Variants in DHRSX observed in about 807,000 individuals in gnomAD.
DHRSX encodes dehydrogenase/reductase X-linked.
A neutral mutation model predicts 34.0 loss-of-function variants in DHRSX; 31 were observed. That is an observed-to-expected ratio of 0.91 (90% CI 0.69 to 1.23). The LOEUF is 1.23. Among genes scored for constraint, DHRSX ranks in the 50% most tolerant of loss-of-function variants. The pLI, the probability that DHRSX is intolerant of heterozygous loss-of-function variation, is 0.00. For synonymous variants in DHRSX, 201 were observed against 183.8 expected (o/e 1.09, Z -0.76); for missense variants, 414 against 428.1 (o/e 0.97, Z 0.29).
intron 3 of DHRSX, among the ~76,000 whole-genome samples, chrX:2,321,500 G>A (rs1250008221): frequency 6.1e-5 from 9 of 146,690 alleles, no homozygotes; most frequent in South Asian, 2.1e-4. Flanking sequence ...ACATCAGGTC[G>A]TGAAGGTGGG....
intron 3 of DHRSX, among the ~76,000 whole-genome samples, chrX:2,368,967 T>C (rs190458563): frequency 1.7e-3 from 260 of 152,282 alleles, no homozygotes; most frequent in African/African-American, 6.0e-3. Context: ...AGTAAATAAG[T>C]AAATAAAAAA....
intron 4 of DHRSX, among the ~76,000 whole-genome samples, chrX:2,282,990 GAC>G (rs1335039658): frequency 1.3e-5 from 2 of 151,510 alleles, no homozygotes; most frequent in South Asian, 4.2e-4. Context: ...GGAAAAGTGA[GAC>G]AGTGAAGAGG....
At chrX:2,238,755 T>A (rs980452306) in intron 6 of DHRSX, among the ~76,000 whole-genome samples, 8 of 151,742 alleles carry the variant, frequency 5.3e-5, no homozygotes, top group Admixed American at 4.6e-4. Context: ...GGCTAATTTT[T>A]TTTTTTTTTA....
chrX:2,462,769 GT>G (rs1270925508), intron 1 of DHRSX, among the ~76,000 whole-genome samples: 1 of 151,700 alleles, frequency 6.6e-6, no homozygotes, highest in Non-Finnish European at 1.5e-5. Flanking sequence ...AACACGGAGG[GT>G]TTCTGTGTCT....
At position 2,370,590 on chromosome X, in the gene DHRSX, G is replaced by GAAAAAAAAA. The variant is rs59435030; in HGVS notation, c.286+38146_286+38154dup. ...TTGTCTTCCAGAAAATGGTTTTACT[G>GAAAAAAAAA]AAAAAAAAAAAAAAAAAATTCCCTT... is the stretch of plus-strand genomic sequence containing the variant. On this transcript the variant is annotated intron_variant, in intron 3 of 6. Coordinates refer to ENST00000334651, the MANE Select transcript of DHRSX (RefSeq NM_145177.3). Among the ~76,000 whole-genome samples the GAAAAAAAAA allele has an allele frequency of 8.1e-4, 107 of 132,664 alleles. 1 individual carries two copies. Among genetic ancestry groups the GAAAAAAAAA allele is most frequent in the South Asian group, 4.4e-3 (18 of 4,088 alleles). 87.0% of individuals were successfully genotyped at this position (132,664 alleles called of 152,430 possible).
At chrX:2,243,806 T>TTTTTTTTTTTTTTTTTG (rs2016211300) in intron 5 of DHRSX, among the ~76,000 whole-genome samples, 1 of 93,478 alleles carries the variant, frequency 1.1e-5, no homozygotes, top group East Asian at 2.8e-4. Flanking sequence ...TTTTTTTTTT[T>TTTTTTTTTTTTTTTTTG]TTTTTTTTTT....
intron 3 of DHRSX, among the ~76,000 whole-genome samples, chrX:2,346,511 T>C (rs2042714084): frequency 6.6e-6 from 1 of 151,998 alleles, no homozygotes; most frequent in Admixed American, 6.6e-5. Flanking sequence ...CTCCTGAAGA[T>C]AGCCCAAATC....
intron 3 of DHRSX, among the ~76,000 whole-genome samples, chrX:2,353,573 T>C (rs1233183474): frequency 6.7e-6 from 1 of 148,674 alleles, no homozygotes; most frequent in African/African-American, 2.5e-5. Flanking sequence ...GGAAGGATTA[T>C]AGCTGATTGC....
rs1162716010 is a variant in DHRSX at position 2,291,894 on chromosome X, G to GTTT, written c.287-292_287-291insAAA. Among the ~76,000 whole-genome samples, 76 of 95,242 alleles carry GTTT rather than the reference G, an allele frequency of 8.0e-4. 1 individual carries two copies. The highest frequency in any genetic ancestry group is 2.1e-3 in the African/African-American group (54 of 25,696). The allele number at this position is 95,242 out of a possible 152,430, so 62.5% of individuals were successfully genotyped here. ...AGGCCCAGCTAATTTTTGTATTTTT[G>GTTT]TATTTTTTTTTTTTTTTTTTTTTTT... On this transcript the variant is annotated intron_variant, in intron 3 of 6. Transcript: ENST00000334651.
chrX:2,323,258 C>T (rs1198039073), intron 3 of DHRSX, among the ~76,000 whole-genome samples: 2 of 152,188 alleles, frequency 1.3e-5, no homozygotes, highest in Non-Finnish European at 2.9e-5. Flanking sequence ...TAGAGCTATT[C>T]TGCCTTGTAG....
chrX:2,264,213 T>C (rs1467850995), intron 5 of DHRSX, among the ~76,000 whole-genome samples: 2 of 152,032 alleles, frequency 1.3e-5, no homozygotes, highest in Non-Finnish European at 2.9e-5. Context: ...CCAGAGCACA[T>C]GTGCCCAGCA....
chrX:2,234,106 C>T (rs1485894933), intron 6 of DHRSX, among the ~76,000 whole-genome samples: 1 of 152,234 alleles, frequency 6.6e-6, no homozygotes, highest in East Asian at 1.9e-4. Context: ...CTATCATGAG[C>T]CCTGATCCAT....
intron 1 of DHRSX, among the ~76,000 whole-genome samples, chrX:2,455,719 C>T (rs1048656663): frequency 4.2e-5 from 5 of 118,352 alleles, no homozygotes; most frequent in Non-Finnish European, 6.6e-5. Context: ...CCAGCCTTGG[C>T]GACAAGAACA....
At chrX:2,391,004 G>A (rs2043329684) in intron 3 of DHRSX, among the ~76,000 whole-genome samples, 1 of 152,160 alleles carries the variant, frequency 6.6e-6, no homozygotes, top group Admixed American at 6.6e-5. Flanking sequence ...TTTTATGGCT[G>A]CGTAATATTC....
In DHRSX at chrX:2,492,086, G is replaced by A. The variant is rs185974423; in HGVS notation, c.109+8731C>T. Reference sequence around the variant, plus strand: ...TGTTGGGATACAGTCAGTGCAAGGAGGCATATTTCAATGATGACTATAGTG... The same window carrying A: ...TGTTGGGATACAGTCAGTGCAAGGAAGCATATTTCAATGATGACTATAGTG... On this transcript the variant is annotated intron_variant, in intron 1 of 6. Transcript: ENST00000334651. 1.7e-3 allele frequency among the ~76,000 whole-genome samples: 261 copies of A among 152,280 alleles called. 2 individuals are homozygous for A. The highest frequency in any genetic ancestry group is 6.1e-3 in the African/African-American group (253 of 41,548).
chrX:2,379,274 A>G lies in DHRSX; in HGVS notation c.286+29471T>C, dbSNP rs190057494. Among the ~76,000 whole-genome samples the G allele has an allele frequency of 9.2e-3, 1,404 of 152,296 alleles. 34 individuals are homozygous for G. In the East Asian group the frequency reaches 0.093, roughly 10 times the overall value. On this transcript the variant is annotated intron_variant, in intron 3 of 6. Transcript: ENST00000334651. The stretch of plus-strand genomic sequence containing the variant: ...GAATACCCTACCACTACACAAGACC[A>G]TATATCACCAACACCATTAATTCTT...
At chrX:2,251,013 C>T (rs2016423727) in intron 5 of DHRSX, among the ~76,000 whole-genome samples, 1 of 152,068 alleles carries the variant, frequency 6.6e-6, no homozygotes. Flanking sequence ...TGTGCCTTGC[C>T]GTTGTGCAAA....
At chrX:2,434,329 AC>A (rs2043966726) in intron 1 of DHRSX, among the ~76,000 whole-genome samples, 1 of 152,196 alleles carries the variant, frequency 6.6e-6, no homozygotes, top group African/African-American at 2.4e-5. Flanking sequence ...AAATGTACCC[AC>A]CAAGACTGCA....
intron 1 of DHRSX, among the ~76,000 whole-genome samples, chrX:2,451,834 G>A (rs1430711748): frequency 6.6e-6 from 1 of 152,186 alleles, no homozygotes; most frequent in Non-Finnish European, 1.5e-5. Context: ...TAAGAATGCG[G>A]CCAAGGGACT....
Sources: gnomAD v4.1 joint callset for allele counts (sites outside exome capture counted in the v4.1 genomes callset) on GRCh38, gnomAD v4.1.1 for gene constraint, MANE v1.5 for transcripts, NCBI Gene and HGNC (gene_info 2026-07-23, HGNC 2026-07-21) for gene names.